GALNT17: variants seen among roughly 807,000 people sequenced by gnomAD.
GALNT17 encodes UDP-GalNAc:polypeptide N-acetylgalactosaminyltransferase-like 3.
Under a neutral mutation model 63.7 loss-of-function variants are expected in GALNT17, and 29 were observed. The observed-to-expected ratio is 0.46, with a 90% CI of 0.34 to 0.62. GALNT17 has a LOEUF of 0.62. Among genes scored for constraint, GALNT17 ranks in the 20% least tolerant of loss-of-function variants. The pLI, the probability that GALNT17 is intolerant of heterozygous loss-of-function variation, is 0.01. For missense variants in GALNT17, 603 were observed against 799.6 expected, an observed-to-expected ratio of 0.75 and a Z score of 2.97; for synonymous variants, 305 against 318.3, an observed-to-expected ratio of 0.96 and a Z score of 0.45.
intron 2 of GALNT17, among the ~76,000 whole-genome samples, chr7:71,381,254 C>T (rs1307987777): frequency 6.6e-6 from 1 of 152,078 alleles, no homozygotes; most frequent in Non-Finnish European, 1.5e-5. Flanking sequence ...AGCCACCACG[C>T]CTGGCTTGGT....
intron 9 of GALNT17, among the ~76,000 whole-genome samples, chr7:71,689,567 G>T (rs773534191): frequency 6.6e-6 from 1 of 152,206 alleles, no homozygotes; most frequent in Non-Finnish European, 1.5e-5. Context: ...CAGAAGAAAA[G>T]TTTGAAGGTA....
rs562653720 is a variant in GALNT17, at chr7:71,372,289, T to C, written c.423-15946T>C. On this transcript the variant is annotated intron_variant, in intron 2 of 10. Transcript: ENST00000333538. ...AAGCGATTCTCCTGCCTCAGCCTCC[T>C]GAGTAGCTGGGATTATAGGCACCCA... Among the ~76,000 whole-genome samples the C allele has an allele frequency of 9.4e-4, 141 of 150,202 alleles. 1 individual carries two copies. Among genetic ancestry groups the C allele is most frequent in the African/African-American group, 3.4e-3 (138 of 40,746 alleles).
intron 1 of GALNT17, among the ~76,000 whole-genome samples, chr7:71,318,185 A>G (rs760812458): frequency 3.9e-5 from 6 of 152,180 alleles, no homozygotes; most frequent in African/African-American, 1.4e-4. Context: ...GATTATAGGC[A>G]TAAGCCACTG....
intron 2 of GALNT17, among the ~76,000 whole-genome samples, chr7:71,363,255 C>G (rs1037418385): frequency 1.3e-5 from 2 of 152,206 alleles, no homozygotes; most frequent in East Asian, 3.9e-4. Flanking sequence ...TCGTGAGCCA[C>G]TGCACCTGGC....
chr7:71,637,732 C>T (rs541895142), intron 6 of GALNT17, among the ~76,000 whole-genome samples: 4 of 152,240 alleles, frequency 2.6e-5, no homozygotes, highest in African/African-American at 9.6e-5. Context: ...CTGGGATCTC[C>T]TGTACGCTGT....
At chr7:71,665,643 A>G in intron 7 of GALNT17, 47 bp downstream of exon 7, 1 of 1,563,704 alleles carries the variant, frequency 6.4e-7, no homozygotes, top group Non-Finnish European at 8.6e-7. Context: ...AGTGATCCTT[A>G]CTGTTTGATC....
At chr7:71,183,476 A>T (rs960114192) in intron 1 of GALNT17, among the ~76,000 whole-genome samples, 1 of 152,126 alleles carries the variant, frequency 6.6e-6, no homozygotes, top group Non-Finnish European at 1.5e-5. Context: ...CCCACGTCAA[A>T]GAGTGTTCCT....
intron 1 of GALNT17, among the ~76,000 whole-genome samples, chr7:71,301,680 G>A (rs1282988418): frequency 6.6e-6 from 1 of 151,974 alleles, no homozygotes; most frequent in Non-Finnish European, 1.5e-5. Flanking sequence ...AAATACACAA[G>A]TGTGCGCAGT....
At chr7:71,169,514 T>C (rs4717583) in intron 1 of GALNT17, among the ~76,000 whole-genome samples, 48,238 of 152,096 alleles carry the variant, frequency 0.32, 9,130 homozygotes, top group African/African-American at 0.53. Flanking sequence ...TGGAAGTCAC[T>C]GAATTGAATT....
intron 6 of GALNT17, among the ~76,000 whole-genome samples, chr7:71,660,739 T>G (rs1250506084): frequency 6.6e-6 from 1 of 152,208 alleles, no homozygotes; most frequent in East Asian, 1.9e-4. Flanking sequence ...GACTGTTGGT[T>G]TATTGCTAAG....
intron 5 of GALNT17, among the ~76,000 whole-genome samples, chr7:71,431,700 A>T (rs1786869803): frequency 6.6e-6 from 1 of 152,112 alleles, no homozygotes; most frequent in East Asian, 1.9e-4. Flanking sequence ...TGCCAGCTGG[A>T]GGAGATTTTT....
intron 3 of GALNT17, among the ~76,000 whole-genome samples, chr7:71,401,635 C>T (rs2116389011): frequency 6.6e-6 from 1 of 152,196 alleles, no homozygotes. Context: ...GTCAGATCAG[C>T]AGTGGCATTA....
chr7:71,179,007 T>G lies in GALNT17; in HGVS notation c.238+45967T>G, dbSNP rs149642926. On this transcript the variant is annotated intron_variant, in intron 1 of 10. Transcript: ENST00000333538. ...ATCCTGCTATATTCCTTTCAATGGATTTTTATCTAACAGAGAGTTAACTTG... is the reference window on the plus strand; with the variant it reads ...ATCCTGCTATATTCCTTTCAATGGAGTTTTATCTAACAGAGAGTTAACTTG... 4.8e-3 allele frequency among the ~76,000 whole-genome samples: 726 copies of G among 152,328 alleles called. 3 individuals carry two copies. The highest frequency in any genetic ancestry group is 0.015 in the African/African-American group (625 of 41,564).
At chr7:71,234,559 C>T (rs1033132976) in intron 1 of GALNT17, among the ~76,000 whole-genome samples, 3 of 152,070 alleles carry the variant, frequency 2.0e-5, no homozygotes, top group African/African-American at 7.2e-5. Context: ...CCACCGCTCC[C>T]GACCCATTGC....
chr7:71,399,256 T>A (rs1022023113), intron 3 of GALNT17, among the ~76,000 whole-genome samples: 17 of 152,000 alleles, frequency 1.1e-4, no homozygotes, highest in Non-Finnish European at 1.9e-4. Flanking sequence ...CCAAAAAAAA[T>A]GTGGGAGTAG....
chr7:71,688,862 T>C (rs1791400504), intron 9 of GALNT17, among the ~76,000 whole-genome samples: 2 of 152,136 alleles, frequency 1.3e-5, no homozygotes, highest in Admixed American at 1.3e-4. Context: ...TATGGTACTT[T>C]GTAGATGTTG....
At chr7:71,217,501 G>A (rs893341010) in intron 1 of GALNT17, among the ~76,000 whole-genome samples, 2 of 151,948 alleles carry the variant, frequency 1.3e-5, no homozygotes, top group Admixed American at 1.3e-4. Context: ...CTAGGGATGT[G>A]ACTGTTAGAT....
chr7:71,693,299 C>CATATATAT (rs1327263888), intron 9 of GALNT17, among the ~76,000 whole-genome samples: 1,468 of 116,036 alleles, frequency 0.013, 64 homozygotes, highest in African/African-American at 0.047. Flanking sequence ...CACACACACA[C>CATATATAT]ACACACACAC....
At chr7:71,237,711 C>T (rs954739291) in intron 1 of GALNT17, among the ~76,000 whole-genome samples, 13 of 151,872 alleles carry the variant, frequency 8.6e-5, no homozygotes, top group South Asian at 6.2e-4. Context: ...AACAAGTAAA[C>T]GGAAAATAGC....
Sources: gnomAD v4.1 joint callset for allele counts (sites outside exome capture counted in the v4.1 genomes callset) on GRCh38, gnomAD v4.1.1 for gene constraint, MANE v1.5 for transcripts, NCBI Gene and HGNC (gene_info 2026-07-23, HGNC 2026-07-21) for gene names.